Variants in IMMP2L observed in about 807,000 individuals in gnomAD.
IMMP2L encodes inner mitochondrial membrane peptidase subunit 2.
IMMP2L carries 18 observed loss-of-function variants against 19.3 expected under a neutral mutation model. That is an observed-to-expected ratio of 0.93 (90% confidence interval 0.64 to 1.38). The LOEUF (loss-of-function observed/expected upper bound fraction) is 1.38, where lower values mean the gene tolerates loss of function less well. IMMP2L is among the 40% of genes most tolerant of loss of function. The pLI is 0.00. For synonymous variants in IMMP2L, 76 were observed against 73.0 expected (o/e 1.04, Z -0.21); for missense variants, 233 against 218.2 (o/e 1.07, Z -0.43).
intron 3 of IMMP2L, among the ~76,000 whole-genome samples, chr7:111,278,022 A>C (rs932957190): frequency 1.3e-5 from 2 of 152,144 alleles, no homozygotes; most frequent in African/African-American, 4.8e-5. Flanking sequence ...AGTGGGAGCT[A>C]AACAATGGGT....
In IMMP2L at chr7:111,558,101, T is replaced by G. The variant is rs544262761; in HGVS notation, c.-3+3750A>C. 2.6e-5 allele frequency among the ~76,000 whole-genome samples: 4 copies of G among 152,148 alleles called. No individual in the cohort carries two copies. The East Asian group carries it at 7.7e-4, about 29-fold the overall frequency. On this transcript the variant is annotated intron_variant, in intron 1 of 5. Coordinates refer to ENST00000405709, the MANE Select transcript of IMMP2L (RefSeq NM_032549.4). ...AAGTAGACATTAAGAAGGTAAGAGT[T>G]TCCAGCGGAACAGTTGACAAAGATC...
At chr7:111,287,650 A>C (rs1820641109) in intron 3 of IMMP2L, among the ~76,000 whole-genome samples, 1 of 152,152 alleles carries the variant, frequency 6.6e-6, no homozygotes, top group African/African-American at 2.4e-5. Context: ...GTTTTGTTCA[A>C]AGTTGTTATG....
chr7:111,131,001 A>T (rs1444071534), intron 3 of IMMP2L, among the ~76,000 whole-genome samples: 2 of 151,978 alleles, frequency 1.3e-5, no homozygotes, highest in African/African-American at 4.8e-5. Flanking sequence ...TAAATCACTT[A>T]TTTTTTCAAG....
At chr7:110,759,491 A>G (rs1050982534) in intron 5 of IMMP2L, among the ~76,000 whole-genome samples, 3 of 152,170 alleles carry the variant, frequency 2.0e-5, no homozygotes, top group Non-Finnish European at 4.4e-5. Flanking sequence ...GAAGGTTTGT[A>G]TAAGTGTTCA....
intron 3 of IMMP2L, among the ~76,000 whole-genome samples, chr7:111,358,596 CAT>C (rs1451679266): frequency 1.3e-5 from 2 of 152,114 alleles, no homozygotes; most frequent in African/African-American, 2.4e-5. Flanking sequence ...TTTCAACACA[CAT>C]ATAGTTGCAC....
At chr7:111,027,132 T>C (rs1826916553) in intron 3 of IMMP2L, among the ~76,000 whole-genome samples, 1 of 152,146 alleles carries the variant, frequency 6.6e-6, no homozygotes, top group South Asian at 2.1e-4. Flanking sequence ...CTATTGCTTA[T>C]AAAGAGCCAC....
chr7:110,894,745 A>G (rs1372748026), intron 4 of IMMP2L, among the ~76,000 whole-genome samples: 1 of 152,196 alleles, frequency 6.6e-6, no homozygotes, highest in Non-Finnish European at 1.5e-5. Context: ...CTTTTAAAAT[A>G]CATGTTTTTC....
At chr7:111,501,893 G>A (rs571036578) in intron 2 of IMMP2L, among the ~76,000 whole-genome samples, 17 of 152,158 alleles carry the variant, frequency 1.1e-4, no homozygotes, top group African/African-American at 3.6e-4. Flanking sequence ...GACCATCAAG[G>A]CTAGGAAGAA....
rs1792392487 is a variant in IMMP2L, at chr7:110,677,429, A to C, written c.409-13708T>G. Among the ~76,000 whole-genome samples the C allele has an allele frequency of 3.3e-5, 5 of 152,320 alleles. No homozygotes were observed. The South Asian group carries it at 1.0e-3, about 32-fold the overall frequency. ...TTTTTTCACCAACATTTTTGGATAC[A>C]GGAGACTAGGTTCGTACAGAGAACA... On this transcript the variant is annotated intron_variant, in intron 5 of 5. Coordinates refer to ENST00000405709, the MANE Select transcript of IMMP2L (RefSeq NM_032549.4).
At chr7:110,706,220 A>C (rs1794669849) in intron 5 of IMMP2L, among the ~76,000 whole-genome samples, 1 of 152,114 alleles carries the variant, frequency 6.6e-6, no homozygotes, top group South Asian at 2.1e-4. Flanking sequence ...CTTCTGCCTC[A>C]GCCTCCCAAG....
chr7:111,361,564 T>C (rs1368303801), intron 3 of IMMP2L, among the ~76,000 whole-genome samples: 1 of 152,162 alleles, frequency 6.6e-6, no homozygotes, highest in East Asian at 1.9e-4. Context: ...ATTATATCTG[T>C]CTTGTTCTAT....
At chr7:111,432,500 CA>C (rs1280036310) in intron 3 of IMMP2L, among the ~76,000 whole-genome samples, 7 of 151,654 alleles carry the variant, frequency 4.6e-5, no homozygotes, top group African/African-American at 1.7e-4. Context: ...AAAATGCCTT[CA>C]GTAAAATTCA....
intron 5 of IMMP2L, chr7:110,725,935 A>G (rs1190554574): frequency 6.6e-6 from 1 of 152,232 alleles, no homozygotes; most frequent in African/African-American, 2.4e-5. Flanking sequence ...AAAGTCTTAT[A>G]TATATTAACT....
intron 3 of IMMP2L, chr7:111,122,833 C>A: frequency 6.2e-7 from 1 of 1,613,918 alleles, no homozygotes; most frequent in Non-Finnish European, 8.5e-7. Context: ...TACACTAGTA[C>A]AAGCTGTAGA....
chr7:111,451,652 T>G (rs1276013626), intron 3 of IMMP2L, among the ~76,000 whole-genome samples: 1 of 148,932 alleles, frequency 6.7e-6, no homozygotes, highest in African/African-American at 2.5e-5. Flanking sequence ...GCATGGCACA[T>G]GTATACATAT....
chr7:111,234,918 T>A (rs988139448), intron 3 of IMMP2L, among the ~76,000 whole-genome samples: 6 of 152,132 alleles, frequency 3.9e-5, no homozygotes, highest in Non-Finnish European at 8.8e-5. Context: ...GTCCACAATA[T>A]ATTTTTATTA....
intron 3 of IMMP2L, among the ~76,000 whole-genome samples, chr7:111,341,878 T>A (rs1827045219): frequency 6.6e-6 from 1 of 152,136 alleles, no homozygotes; most frequent in Non-Finnish European, 1.5e-5. Flanking sequence ...AGGCTGTGTG[T>A]TTGATCTCTC....
chr7:111,281,196 AAGAAAGAAAGAAAGAAAGAAAAAGAAAG>A lies in IMMP2L; in HGVS notation c.239+206014_239+206041del, dbSNP rs1563004704. Among the ~76,000 whole-genome samples, 24 of 54,388 alleles carry A rather than the reference AAGAAAGAAAGAAAGAAAGAAAAAGAAAG, an allele frequency of 4.4e-4. 1 individual carries two copies. Among genetic ancestry groups the A allele is most frequent in the Middle Eastern group, 7.6e-3 (1 of 132 alleles). The allele number at this position is 54,388 out of a possible 152,430, so 35.7% of individuals were successfully genotyped here. On this transcript the variant is annotated intron_variant, in intron 3 of 5. Coordinates refer to ENST00000405709, the MANE Select transcript of IMMP2L (RefSeq NM_032549.4). ...AAAGAAAGAAAGAAAGAAAGAAAGA[AAGAAAGAAAGAAAGAAAGAAAAAGAAAG>A]AAAGAAAGAAAGAAAGAAAGAAGAG...
At chr7:111,078,710 G>T (rs1168643780) in intron 3 of IMMP2L, among the ~76,000 whole-genome samples, 1 of 151,654 alleles carries the variant, frequency 6.6e-6, no homozygotes, top group Non-Finnish European at 1.5e-5. Flanking sequence ...TAAAGCTGTG[G>T]TATTTTTTAT....
Sources: gnomAD v4.1 joint callset for allele counts (sites outside exome capture counted in the v4.1 genomes callset) on GRCh38, gnomAD v4.1.1 for gene constraint, MANE v1.5 for transcripts, NCBI Gene and HGNC (gene_info 2026-07-23, HGNC 2026-07-21) for gene names.